Variants in GLRA2 observed in about 807,000 individuals in gnomAD.
GLRA2 encodes the protein glycine receptor subunit alpha-2.
Under a neutral mutation model 31.6 loss-of-function variants are expected in GLRA2, and 11 were observed. The observed-to-expected ratio is 0.35, with a 90% CI of 0.22 to 0.58. The LOEUF (loss-of-function observed/expected upper bound fraction) is 0.58, where lower values mean the gene tolerates loss of function less well. Among genes scored for constraint, GLRA2 ranks in the 20% least tolerant of loss-of-function variants. GLRA2 has a pLI of 0.84. For missense variants in GLRA2, 212 were observed against 351.8 expected, an observed-to-expected ratio of 0.60 and a Z score of 3.18; for synonymous variants, 132 against 134.0, an observed-to-expected ratio of 0.99 and a Z score of 0.10.
intron 7 of GLRA2, among the ~76,000 whole-genome samples, chrX:14,672,526 T>C (rs764801280): frequency 9.0e-6 from 1 of 111,234 alleles, no homozygotes; most frequent in East Asian, 2.8e-4. Flanking sequence ...CTAGTATCTA[T>C]TGCAAATAGG....
intron 4 of GLRA2, among the ~76,000 whole-genome samples, chrX:14,584,229 T>A (rs962274897): frequency 2.7e-5 from 3 of 111,973 alleles, no homozygotes; most frequent in African/African-American, 9.7e-5. Flanking sequence ...TTAATGTTCC[T>A]TTTCAGTAGT....
intron 8 of GLRA2, among the ~76,000 whole-genome samples, chrX:14,697,437 G>A (rs1399033765): frequency 8.9e-6 from 1 of 111,924 alleles, no homozygotes; most frequent in Non-Finnish European, 1.9e-5. Flanking sequence ...TGCAGTGAAC[G>A]AGTTCTCACC....
the GLRA2 span, among the ~76,000 whole-genome samples, chrX:14,483,244 T>C: frequency 4.5e-5 from 5 of 111,923 alleles, no homozygotes; most frequent in South Asian, 1.9e-3. Flanking sequence ...CCTTTGTTAC[T>C]ATGCCATACA....
the GLRA2 span, among the ~76,000 whole-genome samples, chrX:14,478,635 G>T: frequency 1.8e-5 from 2 of 112,142 alleles, no homozygotes; most frequent in African/African-American, 6.5e-5. Context: ...AAAAAATGAT[G>T]ATTTCTTCTG....
At chrX:14,696,498 G>C (rs1246738595) in intron 8 of GLRA2, among the ~76,000 whole-genome samples, 1 of 111,640 alleles carries the variant, frequency 9.0e-6, no homozygotes, top group Non-Finnish European at 1.9e-5. Context: ...CCGAGGATGG[G>C]GTCTATTATC....
chrX:14,613,380 T>A (rs989628894), intron 7 of GLRA2, among the ~76,000 whole-genome samples: 1 of 112,020 alleles, frequency 8.9e-6, no homozygotes, highest in Non-Finnish European at 1.9e-5. Context: ...GTCATATGTA[T>A]GTGTGTACAA....
chrX:14,533,401 C>T (rs975941625), intron 2 of GLRA2, among the ~76,000 whole-genome samples: 3 of 109,121 alleles, frequency 2.7e-5, no homozygotes, highest in African/African-American at 9.9e-5. Context: ...AATGTTACAC[C>T]TCTGAATATA....
chrX:14,654,510 C>T (rs1299273112), intron 7 of GLRA2, among the ~76,000 whole-genome samples: 1 of 111,740 alleles, frequency 8.9e-6, no homozygotes, highest in African/African-American at 3.3e-5. Flanking sequence ...TTGCAATATT[C>T]ACTTTATTGC....
the GLRA2 span, among the ~76,000 whole-genome samples, chrX:14,451,015 T>TA: frequency 1.5e-4 from 16 of 108,907 alleles, no homozygotes; most frequent in East Asian, 5.7e-4. Context: ...TTAGCACTCT[T>TA]AAAAAAAAAA....
At chrX:14,481,794 A>G in the GLRA2 span, among the ~76,000 whole-genome samples, 2 of 109,004 alleles carry the variant, frequency 1.8e-5, no homozygotes, top group Middle Eastern at 4.7e-3. Flanking sequence ...CAAAACACAC[A>G]TGTATGTGCA....
At chrX:14,537,959 GTGTTCATACAGCTTTTGTGTGC>G (rs1198204496) in intron 2 of GLRA2, among the ~76,000 whole-genome samples, 1 of 106,855 alleles carries the variant, frequency 9.4e-6, no homozygotes, top group Non-Finnish European at 1.9e-5. Context: ...GTGTTGGTTG[GTGTTCATACAGCTTTTGTGTGC>G]TGTATGAACA....
the GLRA2 span, among the ~76,000 whole-genome samples, chrX:14,510,422 T>C: frequency 2.5e-3 from 275 of 111,661 alleles, 1 homozygote; most frequent in African/African-American, 8.5e-3. Context: ...CAAATGTCAA[T>C]GAAGCCTAAT....
At chrX:14,516,674 G>T in the GLRA2 span, among the ~76,000 whole-genome samples, 2 of 111,493 alleles carry the variant, frequency 1.8e-5, no homozygotes, top group South Asian at 7.5e-4. Flanking sequence ...CCAAGGCTAG[G>T]TCATATGAAG....
chrX:14,495,050 A>G, the GLRA2 span, among the ~76,000 whole-genome samples: 2 of 111,809 alleles, frequency 1.8e-5, no homozygotes, highest in Non-Finnish European at 3.8e-5. Context: ...CAGTGGCTTC[A>G]GGATGGACAA....
At chrX:14,687,364 G>C (rs2091290352) in intron 7 of GLRA2, among the ~76,000 whole-genome samples, 1 of 111,883 alleles carries the variant, frequency 8.9e-6, no homozygotes, top group Admixed American at 9.5e-5. Context: ...TTGCTAGGTT[G>C]GGGATGTTTT....
At chrX:14,536,061 A>G (rs2089319166) in intron 2 of GLRA2, among the ~76,000 whole-genome samples, 1 of 112,276 alleles carries the variant, frequency 8.9e-6, no homozygotes, top group African/African-American at 3.2e-5. Context: ...ATAATTATTC[A>G]TTCCACTTCT....
At chrX:14,590,815 C>T (rs1364347196) in intron 4 of GLRA2, among the ~76,000 whole-genome samples, 3 of 112,097 alleles carry the variant, frequency 2.7e-5, no homozygotes, top group Non-Finnish European at 5.6e-5. Flanking sequence ...GTAACATAAG[C>T]GTCCACATCA....
At chrX:14,535,322 C>CAAGTCAGT (rs2089307967) in intron 2 of GLRA2, among the ~76,000 whole-genome samples, 1 of 112,126 alleles carries the variant, frequency 8.9e-6, no homozygotes, top group Non-Finnish European at 1.9e-5. Context: ...TGTATACTTT[C>CAAGTCAGT]AAGTCAGTAA....
intron 4 of GLRA2, among the ~76,000 whole-genome samples, chrX:14,584,606 G>C (rs2147069857): frequency 8.9e-6 from 1 of 112,237 alleles, no homozygotes; most frequent in East Asian, 2.8e-4. Flanking sequence ...TTTGTAAAAA[G>C]CGGCAAAGTC....
Sources: gnomAD v4.1 joint callset for allele counts (sites outside exome capture counted in the v4.1 genomes callset) on GRCh38, gnomAD v4.1.1 for gene constraint, MANE v1.5 for transcripts, NCBI Gene and HGNC (gene_info 2026-07-23, HGNC 2026-07-21) for gene names.